Variants in MED6 observed in about 807,000 individuals in gnomAD.
MED6 encodes the protein mediator complex subunit 6, also known as mediator of RNA polymerase II transcription subunit 6.
In MED6, 33 loss-of-function variants were observed where a neutral mutation model predicts 37.5. The observed-to-expected ratio is 0.88, with a 90% CI of 0.67 to 1.18. The LOEUF (loss-of-function observed/expected upper bound fraction) is 1.18. Ranked by LOEUF, MED6 falls within the 50% of genes most tolerant of loss-of-function variation. MED6 has a pLI of 0.00. For synonymous variants in MED6, 94 were observed against 93.6 expected (o/e 1.00, Z -0.02); for missense variants, 235 against 290.6 (o/e 0.81, Z 1.39).
In MED6 at chr14:70,584,670, C is replaced by G. The variant is rs913532406; in HGVS notation, c.*143G>C. On this transcript the variant is annotated 3_prime_UTR_variant, in exon 8 of 8. Coordinates refer to ENST00000256379, the MANE Select transcript of MED6 (RefSeq NM_005466.4). ...GGATTACAGGCGTGAGCCACCACAT[C>G]CGGCCTAATATCCTTTCAAAAAATA... is the stretch of plus-strand genomic sequence containing the variant. The G allele has an allele frequency of 1.9e-5, 21 of 1,116,286 alleles. 1 individual carries two copies. The highest frequency in any genetic ancestry group is 6.1e-4 in the Middle Eastern group (2 of 3,288). The allele number at this position is 1,116,286 out of a possible 1,614,324, so 69.1% of individuals were successfully genotyped here. A position where few individuals can be genotyped will look rare whatever the true frequency, so the allele number is the denominator to read the frequency against.
intron 6 of MED6, among the ~76,000 whole-genome samples, chr14:70,587,534 A>G (rs1192260349): frequency 3.3e-5 from 5 of 152,174 alleles, no homozygotes; most frequent in Admixed American, 3.3e-4. Flanking sequence ...AAATTTGAAA[A>G]GGGGGATTTT....
chr14:70,597,986 T>C (rs1009983424), intron 1 of MED6, among the ~76,000 whole-genome samples: 37 of 152,114 alleles, frequency 2.4e-4, no homozygotes, highest in African/African-American at 8.9e-4. Context: ...GGTGAAACCC[T>C]GTCTCTACTA....
intron 6 of MED6, 87 bp from the exon 7 acceptor site, chr14:70,585,870 C>A: frequency 1.9e-6 from 2 of 1,028,202 alleles, no homozygotes; most frequent in South Asian, 1.6e-5. Flanking sequence ...TTCCTGATGT[C>A]ATATTAATAA....
At chr14:70,590,732 T>C (rs2139594147) in intron 6 of MED6, among the ~76,000 whole-genome samples, 1 of 152,266 alleles carries the variant, frequency 6.6e-6, no homozygotes, top group Admixed American at 6.5e-5. Context: ...CTGTTAGAAA[T>C]CTCCCTGCCC....
Position 70,593,323 on chromosome 14 carries a change from G to C in MED6, c.330C>G (p.Asp110Glu), listed in dbSNP as rs199895421. ...CTCTAGAGTTTATAACTGATCCCAAGTCTGGTGCCTGATAGATCACTCCAG... is the reference window on the plus strand; with the variant it reads ...CTCTAGAGTTTATAACTGATCCCAACTCTGGTGCCTGATAGATCACTCCAG... ...IIAGVIYQAP[D>E]LGSVINSRVL... The change falls in exon 4 of 8, where the codon GAC becomes GAG. Residue 110 changes from aspartate (D) to glutamate (E), a missense_variant. Coordinates refer to ENST00000256379, the MANE Select transcript of MED6 (RefSeq NM_005466.4). 6.2e-7 allele frequency: 1 copy of C among 1,613,856 alleles called. No individual in the cohort carries two copies. Among genetic ancestry groups the C allele is most frequent in the East Asian group, 2.2e-5 (1 of 44,866 alleles).
At chr14:70,600,188 G>A (rs966783153) in intron 1 of MED6, among the ~76,000 whole-genome samples, 3 of 152,106 alleles carry the variant, frequency 2.0e-5, no homozygotes, top group Non-Finnish European at 4.4e-5. Flanking sequence ...TCATGCTCAG[G>A]GACCCGTGTG....
At chr14:70,598,851 A>G (rs1014381128) in intron 1 of MED6, among the ~76,000 whole-genome samples, 2 of 152,228 alleles carry the variant, frequency 1.3e-5, no homozygotes, top group Non-Finnish European at 2.9e-5. Flanking sequence ...TTAGGGATAG[A>G]GAAGTTAGGA....
chr14:70,595,186 A>C lies in MED6; in HGVS notation c.274+1425T>G, dbSNP rs1430899030. 5.6e-6 allele frequency: 3 copies of C among 536,606 alleles called. No homozygotes were observed. In the African/African-American group the frequency reaches 5.7e-5, roughly 10 times the overall value. The allele number at this position is 536,606 out of a possible 1,614,324, so 33.2% of individuals were successfully genotyped here. A position where few individuals can be genotyped will look rare whatever the true frequency, so the allele number is the denominator to read the frequency against. On this transcript the variant is annotated intron_variant, in intron 3 of 7. Transcript: ENST00000256379. The stretch of plus-strand genomic sequence containing the variant: ...CTCAAGGAGGAGCTGCTCTTCATGA[A>C]GAACCGTGAAGAGGAAGTAAAGGCC...
At chr14:70,588,356 C>T (rs1025214572) in intron 6 of MED6, among the ~76,000 whole-genome samples, 2 of 151,890 alleles carry the variant, frequency 1.3e-5, no homozygotes, top group Non-Finnish European at 2.9e-5. Flanking sequence ...GTAAAAAACT[C>T]ACTGAAATGA....
chr14:70,587,940 T>A (rs1229104346), intron 6 of MED6, among the ~76,000 whole-genome samples: 1 of 152,226 alleles, frequency 6.6e-6, no homozygotes, highest in African/African-American at 2.4e-5. Flanking sequence ...ACTTCTCCAA[T>A]ATTCTCCTGA....
At chr14:70,594,694 C>A in intron 3 of MED6, 1 of 457,168 alleles carries the variant, frequency 2.2e-6, no homozygotes, top group South Asian at 1.9e-5. Flanking sequence ...ATCTCCGTGT[C>A]CCGCTCCACC....
rs770531881 is a variant in MED6 at position 70,592,933 on chromosome 14, C to G, written c.413G>C (p.Arg138Pro). 6.2e-7 allele frequency: 1 copy of G among 1,613,804 alleles called. No homozygotes were observed. Among genetic ancestry groups the G allele is most frequent in the Non-Finnish European group, 8.5e-7 (1 of 1,179,854 alleles). Residue 138 changes from arginine to proline, a missense_variant, in exon 5 of 8, where the codon CGA (arginine) becomes CCA (proline). Transcript: ENST00000256379. ...CCAATACCCTTTGGAAGGATGATAT[C>G]GACAGTATGACATAGCTTCATCAAA... The part of the protein sequence containing the change: ...SAFDEAMSYC[R>P]YHPSKGYWWH...
chr14:70,597,850 AC>A, intron 1 of MED6, 73 bp from the exon 2 acceptor site: 8 of 1,287,038 alleles, frequency 6.2e-6, no homozygotes, highest in Non-Finnish European at 7.3e-6. Flanking sequence ...CATTTATTAT[AC>A]ATCAAATGTA....
At chr14:70,589,843 T>C (rs1595048740) in intron 6 of MED6, among the ~76,000 whole-genome samples, 1 of 152,226 alleles carries the variant, frequency 6.6e-6, no homozygotes. Context: ...TCTGAACATA[T>C]GTTCACTAAC....
At chr14:70,593,412 G>A (rs2233135) in intron 3 of MED6, 34 bp from the exon 4 acceptor site, 22,127 of 1,449,180 alleles carry the variant, frequency 0.015, 250 homozygotes, top group Non-Finnish European at 0.018. Context: ...TATAAATACA[G>A]CTATGGACAC....
chr14:70,594,247 T>C (rs1264213947), intron 3 of MED6, among the ~76,000 whole-genome samples: 2 of 152,214 alleles, frequency 1.3e-5, no homozygotes, highest in East Asian at 3.9e-4. Context: ...TTGATTCTAA[T>C]GTCTTCAATT....
At position 70,583,570 on chromosome 14, in the gene MED6, A is replaced by G. The variant is rs936184141; in HGVS notation, c.*1243T>C. 6.6e-6 allele frequency: 1 copy of G among 152,238 alleles called. No individual in the cohort carries two copies. Among genetic ancestry groups the G allele is most frequent in the Non-Finnish European group, 1.5e-5 (1 of 68,056 alleles). The allele number at this position is 152,238 out of a possible 1,614,324, so 9.4% of individuals were successfully genotyped here. ...TTCTGGAACTCTATCCTAAGGAAAT[A>G]AATACCAAACACTGAAAAGGCATTA... is the stretch of plus-strand genomic sequence containing the variant. On this transcript the variant is annotated 3_prime_UTR_variant, in exon 8 of 8. Transcript: ENST00000256379.
At chr14:70,595,329 G>A in intron 3 of MED6, 1 of 552,608 alleles carries the variant, frequency 1.8e-6, no homozygotes, top group East Asian at 4.1e-5. Flanking sequence ...GAAGAACTGA[G>A]AGGAGCTAGA....
At chr14:70,592,772 A>C (rs1453955727) in intron 5 of MED6, 108 bp downstream of exon 5, 3 of 1,268,432 alleles carry the variant, frequency 2.4e-6, no homozygotes, top group Non-Finnish European at 3.3e-6. Flanking sequence ...CATCCCATGA[A>C]AAAGTGAAAC....
Sources: allele counts gnomAD v4.1 joint callset (sites outside exome capture counted in the v4.1 genomes callset), GRCh38; gene constraint gnomAD v4.1.1; transcripts MANE v1.5; gene names NCBI Gene and HGNC (gene_info 2026-07-23, HGNC 2026-07-21).